MICAL3: variants seen among roughly 807,000 people sequenced by gnomAD.
The protein encoded by MICAL3 is microtubule associated monooxygenase, calponin and LIM domain containing 3.
A neutral mutation model predicts 207.4 loss-of-function variants in MICAL3; 62 were observed. The observed-to-expected ratio is 0.30, with a 90% CI of 0.24 to 0.37. MICAL3 has a LOEUF of 0.37. Ranked by LOEUF, MICAL3 falls within the 10% of genes least tolerant of loss-of-function variation. The probability of loss-of-function intolerance (pLI) is 1.00; values close to 1 mark genes in which losing one functional copy is unlikely to be tolerated. For missense variants in MICAL3, 2,368 were observed against 2,635.6 expected, an observed-to-expected ratio of 0.90 and a Z score of 2.22; for synonymous variants, 1,077 against 1,069.3, an observed-to-expected ratio of 1.01 and a Z score of -0.14.
chr22:17,834,587 A>G, intron 20 of MICAL3: 1 of 1,125,096 alleles, frequency 8.9e-7, no homozygotes, highest in Non-Finnish European at 1.1e-6. Context: ...TAAAAATAAC[A>G]AAAGCTCCTT....
At chr22:17,798,839 A>G (rs551065182) in intron 29 of MICAL3, among the ~76,000 whole-genome samples, 37 of 151,614 alleles carry the variant, frequency 2.4e-4, no homozygotes, top group African/African-American at 8.9e-4. Flanking sequence ...ACACCCGGCT[A>G]ATTTTTTGTA....
intron 1 of MICAL3, among the ~76,000 whole-genome samples, chr22:17,965,042 G>C (rs192826453): frequency 6.6e-6 from 1 of 152,114 alleles, no homozygotes; most frequent in Non-Finnish European, 1.5e-5. Flanking sequence ...CACTCCCTGC[G>C]GTAGGAAGTC....
At position 17,887,508 on chromosome 22, in the gene MICAL3, C is replaced by T. The variant is rs898790619; in HGVS notation, c.1892-73G>A. On this transcript the variant is annotated intron_variant, in intron 13 of 31. Transcript: ENST00000441493. ...GCAAAATCCTGACCAAAACTACTCTCCCTCGTGGATGGTTCGCAGAGCCTC... is the reference window on the plus strand; with the variant it reads ...GCAAAATCCTGACCAAAACTACTCTTCCTCGTGGATGGTTCGCAGAGCCTC... 3.0e-4 allele frequency: 283 copies of T among 941,704 alleles called. 1 individual carries two copies. Among genetic ancestry groups the T allele is most frequent in the Non-Finnish European group, 1.1e-4 (68 of 600,470 alleles). 58.3% of individuals were successfully genotyped at this position (941,704 alleles called of 1,614,324 possible).
At chr22:17,837,973 C>G (rs73384554) in intron 20 of MICAL3, among the ~76,000 whole-genome samples, 2 of 152,172 alleles carry the variant, frequency 1.3e-5, no homozygotes, top group African/African-American at 4.8e-5. Context: ...CGTACCACCA[C>G]GCTGGCTAAT....
intron 1 of MICAL3, among the ~76,000 whole-genome samples, chr22:17,985,215 TCCGGCCAGGGAGGGGACAGCCCCTGCC>T (rs1486354197): frequency 3.3e-5 from 5 of 152,036 alleles, no homozygotes; most frequent in African/African-American, 1.2e-4. Flanking sequence ...GGGAGGAAGG[TCCGGCCAGGGAGGGGACAGCCCCTGCC>T]TTTTGTGCAG....
chr22:17,805,921 G>A (rs532168893), intron 29 of MICAL3, among the ~76,000 whole-genome samples: 1 of 152,252 alleles, frequency 6.6e-6, no homozygotes, highest in East Asian at 1.9e-4. Context: ...GTAGAGACAG[G>A]GTTTCTCCAT....
chr22:17,810,346 A>C (rs558044179), intron 28 of MICAL3, among the ~76,000 whole-genome samples: 1 of 151,932 alleles, frequency 6.6e-6, no homozygotes, highest in Non-Finnish European at 1.5e-5. Context: ...TATAGGCATG[A>C]GCCACCGCAC....
chr22:17,812,392 C>T (rs2062058024), intron 27 of MICAL3: 2 of 340,518 alleles, frequency 5.9e-6, no homozygotes, highest in Admixed American at 1.3e-4. Flanking sequence ...GCCACAGCCC[C>T]ATGCACGCAC....
chr22:17,961,658 G>A (rs1934919290), intron 1 of MICAL3, among the ~76,000 whole-genome samples: 1 of 152,246 alleles, frequency 6.6e-6, no homozygotes, highest in Non-Finnish European at 1.5e-5. Flanking sequence ...ACTTCAGGAA[G>A]CAATCATATC....
At chr22:17,864,477 A>G in intron 19 of MICAL3, 3 of 1,424,046 alleles carry the variant, frequency 2.1e-6, no homozygotes, top group Non-Finnish European at 1.8e-6. Context: ...GCTTGGAAGC[A>G]AACTGCATGA....
intron 16 of MICAL3, among the ~76,000 whole-genome samples, chr22:17,875,923 G>C (rs530612617): frequency 6.6e-6 from 1 of 152,126 alleles, no homozygotes; most frequent in Non-Finnish European, 1.5e-5. Flanking sequence ...AGCAACCCCC[G>C]GCCTGAGCTG....
At chr22:17,938,012 G>A (rs1177215669) in intron 1 of MICAL3, among the ~76,000 whole-genome samples, 2 of 152,176 alleles carry the variant, frequency 1.3e-5, no homozygotes, top group Non-Finnish European at 2.9e-5. Flanking sequence ...GGCATGAGAG[G>A]TCTGTCGGCC....
At chr22:17,967,488 A>ACACCCC (rs1309763045) in intron 1 of MICAL3, among the ~76,000 whole-genome samples, 1 of 116,922 alleles carries the variant, frequency 8.6e-6, no homozygotes, top group East Asian at 2.0e-4. Context: ...ACACACACAC[A>ACACCCC]CACACCCACA....
chr22:17,828,485 G>C (rs1922449031), intron 21 of MICAL3, among the ~76,000 whole-genome samples: 1 of 152,246 alleles, frequency 6.6e-6, no homozygotes, highest in African/African-American at 2.4e-5. Context: ...GTGGAGGGTA[G>C]AGTCAGGGGA....
intron 9 of MICAL3, 52 bp downstream of exon 9, chr22:17,896,194 C>G (rs1372121397): frequency 9.8e-7 from 1 of 1,018,710 alleles, no homozygotes; most frequent in Admixed American, 2.0e-5. Context: ...GAGTAAACCA[C>G]TCCTTCTTCC....
Position 17,796,335 on chromosome 22 carries a change from G to GC in MICAL3, c.5651-5035dup, listed in dbSNP as rs1174015657. ...AGTGCCTGTCACCAAATTTCAAAAA[G>GC]CAACAGTACACCACCAGGGAGTGAG... On this transcript the variant is annotated intron_variant, in intron 29 of 31. Transcript: ENST00000441493. This position sits in a 1 kb window ranked among gnomAD's most constrained non-coding sequence, Gnocchi z 4.4. Among the ~76,000 whole-genome samples, 1 of 152,228 alleles carries GC rather than the reference G, an allele frequency of 6.6e-6. No individual in the cohort carries two copies. The highest frequency in any genetic ancestry group is 1.5e-5 in the Non-Finnish European group (1 of 68,038).
intron 1 of MICAL3, among the ~76,000 whole-genome samples, chr22:17,933,567 G>C (rs1933372442): frequency 6.6e-6 from 1 of 152,014 alleles, no homozygotes; most frequent in Non-Finnish European, 1.5e-5. Context: ...AAGAACTAGA[G>C]AAGCAAGAGC....
chr22:17,865,085 TTTTATTTA>T (rs200555386), intron 18 of MICAL3, 99 bp from the exon 19 acceptor site: 91,741 of 583,608 alleles, frequency 0.16, 11,203 homozygotes, highest in Admixed American at 0.21. Context: ...TGGTTTTAAA[TTTTATTTA>T]TTTATTTATT....
chr22:17,898,032 T>C (rs1230801388), intron 7 of MICAL3, among the ~76,000 whole-genome samples: 3 of 152,062 alleles, frequency 2.0e-5, no homozygotes, highest in East Asian at 1.9e-4. Context: ...CTAGAAAGAC[T>C]GTTTGCTCAA....
Sources: allele counts gnomAD v4.1 joint callset (sites outside exome capture counted in the v4.1 genomes callset), GRCh38; gene constraint gnomAD v4.1.1; non-coding constraint Gnocchi (gnomAD v3.1); transcripts MANE v1.5; gene names NCBI Gene and HGNC (gene_info 2026-07-23, HGNC 2026-07-21).